UACA: variants seen among roughly 807,000 people sequenced by gnomAD.
UACA encodes the protein uveal autoantigen with coiled-coil domains and ankyrin repeats.
In UACA, 112 loss-of-function variants were observed where a neutral mutation model predicts 160.5. The ratio of observed to expected loss-of-function variants is 0.70; its 90% CI spans 0.60 to 0.82. UACA has a LOEUF of 0.82. Ranked by LOEUF, UACA falls within the 40% of genes least tolerant of loss-of-function variation. The pLI is 0.00. For synonymous variants in UACA, 557 were observed against 568.4 expected, an observed-to-expected ratio of 0.98 and a Z score of 0.29; for missense variants, 1,574 against 1,614.6, an observed-to-expected ratio of 0.97 and a Z score of 0.43.
At chr15:70,729,228 C>G (rs1899240726) in intron 1 of UACA, among the ~76,000 whole-genome samples, 1 of 152,142 alleles carries the variant, frequency 6.6e-6, no homozygotes, top group African/African-American at 2.4e-5. Context: ...CCAAAAGACA[C>G]CGTACTTGTA....
chr15:70,691,482 T>G, intron 3 of UACA, 119 bp from the exon 4 acceptor site: 1 of 653,358 alleles, frequency 1.5e-6, no homozygotes, highest in Non-Finnish European at 2.5e-6. Flanking sequence ...AATCTGTAAG[T>G]ATACTTTCAG....
At chr15:70,728,511 C>T (rs1330707296) in intron 1 of UACA, among the ~76,000 whole-genome samples, 1 of 148,514 alleles carries the variant, frequency 6.7e-6, no homozygotes, top group Non-Finnish European at 1.5e-5. Flanking sequence ...TGCGGTGAGC[C>T]GAGATTGCAC....
chr15:70,720,526 C>T (rs1898957731), intron 1 of UACA, among the ~76,000 whole-genome samples: 2 of 152,154 alleles, frequency 1.3e-5, no homozygotes, highest in Non-Finnish European at 2.9e-5. Context: ...CTCTGTTCCA[C>T]TACTGGGAGA....
rs1257436096 is a variant in UACA, at chr15:70,655,262, C to G, written c.*1794G>C. On this transcript the variant is annotated 3_prime_UTR_variant, in exon 19 of 19. Coordinates refer to ENST00000322954, the MANE Select transcript of UACA (RefSeq NM_018003.4). ...TATTTTATTTTGAGATGGAGTCTTGCTATTGCCCAAGCTGGAGTGCAGTGG... is the reference window on the plus strand; with the variant it reads ...TATTTTATTTTGAGATGGAGTCTTGGTATTGCCCAAGCTGGAGTGCAGTGG... The G allele has an allele frequency of 6.6e-6, 1 of 152,150 alleles. No homozygotes were observed. The highest frequency in any genetic ancestry group is 2.4e-5 in the African/African-American group (1 of 41,434). 9.4% of individuals were successfully genotyped at this position (152,150 alleles called of 1,614,324 possible).
intron 9 of UACA, among the ~76,000 whole-genome samples, chr15:70,680,597 C>A (rs903325935): frequency 6.6e-6 from 1 of 152,192 alleles, no homozygotes; most frequent in Non-Finnish European, 1.5e-5. Flanking sequence ...TACCAAAGGA[C>A]TGTTCTTCAA....
intron 16 of UACA, among the ~76,000 whole-genome samples, chr15:70,666,497 C>T (rs1219428518): frequency 1.3e-5 from 2 of 152,194 alleles, no homozygotes; most frequent in African/African-American, 4.8e-5. Flanking sequence ...GTCTCCCCAT[C>T]GTTCCTGAAT....
At chr15:70,720,262 C>T (rs1372280606) in intron 1 of UACA, among the ~76,000 whole-genome samples, 1 of 152,160 alleles carries the variant, frequency 6.6e-6, no homozygotes, top group East Asian at 1.9e-4. Flanking sequence ...GCCAATTAAA[C>T]CTCTTTTCTT....
chr15:70,752,734 T>C (rs1383265549), intron 1 of UACA, among the ~76,000 whole-genome samples: 1 of 152,034 alleles, frequency 6.6e-6, no homozygotes, highest in Non-Finnish European at 1.5e-5. Flanking sequence ...ATATGGTCAA[T>C]ATTAAAAACG....
intron 1 of UACA, among the ~76,000 whole-genome samples, chr15:70,707,688 A>T (rs574264793): frequency 2.6e-5 from 4 of 150,988 alleles, no homozygotes; most frequent in East Asian, 1.9e-4. Flanking sequence ...ACTAATCATT[A>T]AAAAAAAAGC....
chr15:70,715,352 C>A (rs573976595), intron 1 of UACA, among the ~76,000 whole-genome samples: 8 of 152,186 alleles, frequency 5.3e-5, no homozygotes, highest in Non-Finnish European at 1.0e-4. Context: ...AAAACAGATA[C>A]ACTTATTAAA....
the UACA span, among the ~76,000 whole-genome samples, chr15:70,774,407 G>A: frequency 7.2e-5 from 11 of 152,060 alleles, no homozygotes; most frequent in East Asian, 5.8e-4. Flanking sequence ...TTAGCCAGGC[G>A]TGGTGGTGGG....
At chr15:70,724,408 A>G (rs553450808) in intron 1 of UACA, among the ~76,000 whole-genome samples, 2 of 152,338 alleles carry the variant, frequency 1.3e-5, no homozygotes, top group South Asian at 2.1e-4. Context: ...AGAAACTTTA[A>G]GAGCACAGAA....
At chr15:70,711,855 C>A (rs1054595176) in intron 1 of UACA, among the ~76,000 whole-genome samples, 3 of 152,054 alleles carry the variant, frequency 2.0e-5, no homozygotes, top group African/African-American at 7.3e-5. Context: ...ATAGAGATGA[C>A]TAACCTATCT....
intron 18 of UACA, 111 bp downstream of exon 18, chr15:70,660,040 T>C (rs762978667): frequency 2.2e-4 from 172 of 798,834 alleles, no homozygotes; most frequent in Admixed American, 6.2e-4. Context: ...TAAATAAGCA[T>C]AGGGGGTGCA....
intron 1 of UACA, among the ~76,000 whole-genome samples, chr15:70,755,456 G>A (rs2030361489): frequency 6.6e-6 from 1 of 151,834 alleles, no homozygotes; most frequent in Non-Finnish European, 1.5e-5. Flanking sequence ...GATCGCCCGA[G>A]GTCAGGAGTA....
At chr15:70,693,920 T>C (rs905005924) in intron 3 of UACA, among the ~76,000 whole-genome samples, 3 of 152,188 alleles carry the variant, frequency 2.0e-5, no homozygotes, top group South Asian at 2.1e-4. Flanking sequence ...AGGTAGCAGA[T>C]AAATTGAATT....
chr15:70,752,969 T>C (rs2030181916), intron 1 of UACA, among the ~76,000 whole-genome samples: 1 of 152,188 alleles, frequency 6.6e-6, no homozygotes, highest in African/African-American at 2.4e-5. Context: ...CACTCTACAA[T>C]GAATATAAAA....
chr15:70,726,504 C>T (rs903295005), intron 1 of UACA, among the ~76,000 whole-genome samples: 3 of 152,168 alleles, frequency 2.0e-5, no homozygotes, highest in Non-Finnish European at 4.4e-5. Context: ...TATGTATTCA[C>T]GACTTTCTCC....
At chr15:70,769,291 A>G in the UACA span, among the ~76,000 whole-genome samples, 1 of 139,876 alleles carries the variant, frequency 7.1e-6, no homozygotes, top group Non-Finnish European at 1.5e-5. Context: ...GTGAGCCGAG[A>G]TGACACCACT....
Sources: gnomAD v4.1 joint callset for allele counts (sites outside exome capture counted in the v4.1 genomes callset) on GRCh38, gnomAD v4.1.1 for gene constraint, MANE v1.5 for transcripts, NCBI Gene and HGNC (gene_info 2026-07-23, HGNC 2026-07-21) for gene names.